Variants in IGF2R observed in about 807,000 individuals in gnomAD.
IGF2R encodes the protein insulin like growth factor 2 receptor, also known as cation-independent mannose-6-phosphate receptor.
In IGF2R, 91 loss-of-function variants were observed where a neutral mutation model predicts 270.6. That is an observed-to-expected ratio of 0.34 (90% CI 0.28 to 0.40). IGF2R has a LOEUF of 0.40. IGF2R is among the 10% of genes least tolerant of loss of function. IGF2R has a pLI of 1.00. For synonymous variants in IGF2R, 1,316 were observed against 1,258.9 expected (o/e 1.05, Z -0.96); for missense variants, 2,805 against 3,188.3 (o/e 0.88, Z 2.90).
intron 10 of IGF2R, among the ~76,000 whole-genome samples, chr6:160,040,047 C>T (rs930046400): frequency 2.0e-5 from 3 of 152,188 alleles, no homozygotes; most frequent in Non-Finnish European, 1.5e-5. Context: ...CTGGGAGCGA[C>T]TGACTATAGA....
intron 45 of IGF2R, among the ~76,000 whole-genome samples, chr6:160,101,539 C>T (rs917749774): frequency 6.6e-6 from 1 of 152,248 alleles, no homozygotes; most frequent in Non-Finnish European, 1.5e-5. Flanking sequence ...GCGGCTGGGC[C>T]GCGGGTTGGC....
chr6:159,995,650 A>G (rs1784042023), intron 2 of IGF2R, among the ~76,000 whole-genome samples: 1 of 152,148 alleles, frequency 6.6e-6, no homozygotes, highest in Non-Finnish European at 1.5e-5. Context: ...AATTCCTACA[A>G]TGAATTTTTC....
Position 159,990,040 on chromosome 6 carries a change from C to G in IGF2R, c.150-1144C>G, listed in dbSNP as rs75679459. Among the ~76,000 whole-genome samples the G allele has an allele frequency of 4.4e-3, 671 of 152,336 alleles. 3 individuals carry two copies. Among genetic ancestry groups the G allele is most frequent in the African/African-American group, 0.015 (641 of 41,574 alleles). On this transcript the variant is annotated intron_variant, in intron 1 of 47. Transcript: ENST00000356956. ...CTGATAGCTGACTCATTGCACAGCT[C>G]TGTCTTGCGAGTTCAGATCTGAACT...
chr6:160,002,756 T>C (rs1178755940), intron 2 of IGF2R, among the ~76,000 whole-genome samples: 2 of 152,240 alleles, frequency 1.3e-5, no homozygotes, highest in Non-Finnish European at 2.9e-5. Context: ...AAATTTCTAA[T>C]TCTAAAATTC....
At chr6:160,051,809 A>C (rs1456276465) in intron 19 of IGF2R, among the ~76,000 whole-genome samples, 1 of 152,166 alleles carries the variant, frequency 6.6e-6, no homozygotes, top group Non-Finnish European at 1.5e-5. Flanking sequence ...ATTTAAAAAA[A>C]AATTTAGCCA....
intron 39 of IGF2R, among the ~76,000 whole-genome samples, chr6:160,082,436 A>C (rs1779003933): frequency 6.6e-6 from 1 of 151,836 alleles, no homozygotes; most frequent in African/African-American, 2.4e-5. Context: ...CAGCCTCCCA[A>C]GTAGCTGGGA....
At chr6:160,099,331 TTTATGTTATGTTATG>T (rs56981943) in intron 45 of IGF2R, among the ~76,000 whole-genome samples, 53 of 149,134 alleles carry the variant, frequency 3.6e-4, no homozygotes, top group South Asian at 1.1e-3. Flanking sequence ...TTTCCTCAGC[TTTATGTTATGTTATG>T]TTATGTTATG....
intron 4 of IGF2R, among the ~76,000 whole-genome samples, chr6:160,015,858 T>C (rs994062375): frequency 2.6e-5 from 4 of 152,192 alleles, no homozygotes; most frequent in Non-Finnish European, 5.9e-5. Flanking sequence ...TCTCATGAGA[T>C]CTGGTTGTTT....
chr6:160,011,912 G>A (rs1030980805), intron 4 of IGF2R, among the ~76,000 whole-genome samples: 2 of 152,138 alleles, frequency 1.3e-5, no homozygotes, highest in Non-Finnish European at 2.9e-5. Context: ...AGGTTGTAAG[G>A]ATTCAGGAAC....
Position 160,010,707 on chromosome 6 carries a change from T to A in IGF2R, c.435T>A (p.Thr145=). The change falls in exon 4 of 48, where the codon ACT becomes ACA. Residue 145 remains threonine (T), a synonymous_variant. Coordinates refer to ENST00000356956, the MANE Select transcript of IGF2R (RefSeq NM_000876.4). The stretch of plus-strand genomic sequence containing the variant: ...AATAGGGAACTCCTGAATTTGTAAC[T>A]GCAACAGAATGTGTGCACTACTTTG... ...GKTLGTPEFV[T]ATECVHYFEW... The A allele has an allele frequency of 1.2e-6, 2 of 1,607,732 alleles. No homozygotes were observed. The highest frequency in any genetic ancestry group is 1.7e-6 in the Non-Finnish European group (2 of 1,174,312).
chr6:160,077,284 CTG>C (rs778584459), intron 36 of IGF2R, among the ~76,000 whole-genome samples: 99 of 152,306 alleles, frequency 6.5e-4, no homozygotes, highest in South Asian at 3.3e-3. Flanking sequence ...GGGTGTGCCT[CTG>C]TAGATGCACA....
Position 160,088,116 on chromosome 6 carries a change from A to T in IGF2R, c.6289A>T (p.Thr2097Ser), listed in dbSNP as rs370183140. The T allele has an allele frequency of 1.9e-6, 3 of 1,613,204 alleles. No individual in the cohort carries two copies. The highest frequency in any genetic ancestry group is 2.5e-6 in the Non-Finnish European group (3 of 1,179,130). ...ATCCTCCGTGATAGAATTGACCTGT[A>T]CAAAGACGGTGGGCAGACCTGCATT... Reference protein sequence around the residue: ...TASSVIELTCTKTVGRPAFKR... With the variant: ...TASSVIELTCSKTVGRPAFKR... Residue 2097 changes from threonine to serine, a missense_variant, in exon 42 of 48, where the codon ACA becomes TCA. Thr to Ser is a moderately conservative substitution (Grantham distance 58). Transcript: ENST00000356956.
At position 160,064,426 on chromosome 6, in the gene IGF2R, T is replaced by C. The variant is rs754813912; in HGVS notation, c.3912T>C (p.Tyr1304=). The C allele has an allele frequency of 5.6e-6, 9 of 1,614,162 alleles. No individual in the cohort carries two copies. In the Admixed American group the frequency reaches 1.0e-4, roughly 18 times the overall value. ...GTCTCCTGACTCAGAAGCTAACTTA[T>C]GAAAATGGCTTGTTAAAAATGAACT... ...VAGLLTQKLT[Y]ENGLLKMNFT... is the part of the protein sequence containing the mutation. Residue 1304 remains tyrosine (Y), a synonymous_variant, in exon 28 of 48, where the codon TAT becomes TAC. Transcript: ENST00000356956.
chr6:159,983,288 T>C (rs1417051618), intron 1 of IGF2R, among the ~76,000 whole-genome samples: 5 of 152,216 alleles, frequency 3.3e-5, no homozygotes, highest in Admixed American at 6.5e-5. Context: ...CCTTCCTGTC[T>C]CTGGGTTAAC....
chr6:160,109,157 A>G lies in IGF2R; in HGVS notation c.*4073A>G, dbSNP rs1779690262. 6.6e-6 allele frequency: 1 copy of G among 152,226 alleles called. No individual in the cohort carries two copies. Among genetic ancestry groups the G allele is most frequent in the East Asian group, 1.9e-4 (1 of 5,198 alleles). The allele number at this position is 152,226 out of a possible 1,614,324, so 9.4% of individuals were successfully genotyped here. ...GTTTGAGGGAAACACAATCTAGTGA[A>G]TGGGGTTATTGGTTGTCACACCTGG... On this transcript the variant is annotated 3_prime_UTR_variant, in exon 48 of 48. Coordinates refer to ENST00000356956, the MANE Select transcript of IGF2R (RefSeq NM_000876.4).
Position 160,043,296 on chromosome 6 carries a change from G to T in IGF2R, c.1621+8G>T. On this transcript the variant is annotated splice_region_variant and intron_variant, in intron 12 of 47. Transcript: ENST00000356956. Reference sequence around the variant, plus strand: ...CGGCAGTGTGTGCAGTGGGTGAGTTGTGCCTGGATGGAAGATCTAGGTGAT... The same window carrying T: ...CGGCAGTGTGTGCAGTGGGTGAGTTTTGCCTGGATGGAAGATCTAGGTGAT... 6.2e-7 allele frequency: 1 copy of T among 1,610,952 alleles called. No individual in the cohort carries two copies. The highest frequency in any genetic ancestry group is 8.5e-7 in the Non-Finnish European group (1 of 1,178,494).
chr6:160,068,461 C>G, intron 30 of IGF2R, 76 bp downstream of exon 30: 8 of 1,570,834 alleles, frequency 5.1e-6, no homozygotes, highest in Non-Finnish European at 6.9e-6. Flanking sequence ...AGGGGGCCTC[C>G]TCGTGGGGTG....
At chr6:160,085,357 G>T (rs1483654199) in intron 41 of IGF2R, among the ~76,000 whole-genome samples, 1 of 152,162 alleles carries the variant, frequency 6.6e-6, no homozygotes, top group Non-Finnish European at 1.5e-5. Flanking sequence ...GTTTAGAGGG[G>T]TTGGGCTATC....
rs142013128 is a variant in IGF2R, at chr6:160,073,468, C to T, written c.4946C>T (p.Ala1649Val). Reference protein sequence around the residue: ...SWHTPLACEQATECSVRNGSS... With the variant: ...SWHTPLACEQVTECSVRNGSS... ...CACACGCCGCTGGCCTGCGAGCAAG[C>T]GGTGAGTTTTCAGATGGGCACGGGA... The change falls in exon 34 of 48, where the codon GCG becomes GTG. Residue 1649 changes from alanine to valine, a missense_variant and splice_region_variant. Transcript: ENST00000356956. 393 of 1,614,050 alleles carry T rather than the reference C, an allele frequency of 2.4e-4. No homozygotes were observed. The highest frequency in any genetic ancestry group is 3.0e-4 in the Non-Finnish European group (359 of 1,179,958).
Sources: allele counts gnomAD v4.1 joint callset (sites outside exome capture counted in the v4.1 genomes callset), GRCh38; gene constraint gnomAD v4.1.1; transcripts MANE v1.5; gene names NCBI Gene and HGNC (gene_info 2026-07-23, HGNC 2026-07-21).